The following CDH4 variants were observed in gnomAD, a reference collection of about 807,000 sequenced individuals.
CDH4 encodes the protein cadherin-4.
A neutral mutation model predicts 86.0 loss-of-function variants in CDH4; 33 were observed. The ratio of observed to expected loss-of-function variants is 0.38; its 90% CI spans 0.29 to 0.51. CDH4 has a LOEUF of 0.51. Among genes scored for constraint, CDH4 ranks in the 20% least tolerant of loss-of-function variants. The pLI is 0.86. For missense variants in CDH4, 1,114 were observed against 1,307.4 expected (o/e 0.85, Z 2.28); for synonymous variants, 555 against 549.4 (o/e 1.01, Z -0.14).
At chr20:61,370,592 G>A (rs569772714) in intron 2 of CDH4, 9 of 152,224 alleles carry the variant, frequency 5.9e-5, no homozygotes, top group Non-Finnish European at 1.3e-4. Flanking sequence ...CTGCCAGGAA[G>A]GGCTTTTGAC....
intron 4 of CDH4, 118 bp from the exon 5 acceptor site, chr20:61,844,550 T>A (rs1982336570): frequency 5.4e-6 from 5 of 928,924 alleles, no homozygotes; most frequent in Non-Finnish European, 8.1e-6. Context: ...GTGGTCCCCA[T>A]TGTACCTGAA....
intron 2 of CDH4, among the ~76,000 whole-genome samples, chr20:61,725,650 A>G (rs1342947338): frequency 6.6e-6 from 1 of 152,124 alleles, no homozygotes; most frequent in African/African-American, 2.4e-5. Context: ...AATGGAGTGC[A>G]AGCAGAAACC....
At chr20:61,617,749 C>G (rs1234251179) in intron 2 of CDH4, among the ~76,000 whole-genome samples, 1 of 152,178 alleles carries the variant, frequency 6.6e-6, no homozygotes, top group Non-Finnish European at 1.5e-5. Context: ...ACCTGTGAAA[C>G]AGGTGCACTG....
At chr20:61,578,278 G>A (rs543848995) in intron 2 of CDH4, among the ~76,000 whole-genome samples, 1 of 152,112 alleles carries the variant, frequency 6.6e-6, no homozygotes, top group Non-Finnish European at 1.5e-5. Flanking sequence ...CCAGGGCACT[G>A]GGGGGGAATG....
intron 2 of CDH4, among the ~76,000 whole-genome samples, chr20:61,487,045 A>G (rs1199620322): frequency 2.0e-5 from 3 of 152,108 alleles, no homozygotes; most frequent in Non-Finnish European, 2.9e-5. Flanking sequence ...ATTTTCTCCT[A>G]TGTTATCTTC....
chr20:61,686,672 C>T (rs1432177734), intron 2 of CDH4, among the ~76,000 whole-genome samples: 10 of 139,406 alleles, frequency 7.2e-5, no homozygotes, highest in South Asian at 2.3e-4. Flanking sequence ...CGTGTATGTG[C>T]GTGTGCATTT....
intron 2 of CDH4, among the ~76,000 whole-genome samples, chr20:61,336,262 A>G (rs975137783): frequency 1.3e-5 from 2 of 152,100 alleles, no homozygotes; most frequent in African/African-American, 2.4e-5. Context: ...TTATCTATAC[A>G]GTGGGGATAT....
rs1237585170 is a variant in CDH4 at position 61,613,879 on chromosome 20, G to A, written c.170-129684G>A. On this transcript the variant is annotated intron_variant, in intron 2 of 15. Transcript: ENST00000614565. Reference sequence around the variant, plus strand: ...GAGGGGGGGCTTTGGGGAGGAGCTCGTTTGTTTCCCCACAGTGGTTGCTGG... The same window carrying A: ...GAGGGGGGGCTTTGGGGAGGAGCTCATTTGTTTCCCCACAGTGGTTGCTGG... Among the ~76,000 whole-genome samples the A allele has an allele frequency of 3.3e-5, 5 of 152,054 alleles. No individual in the cohort carries two copies. The South Asian group carries it at 6.2e-4, about 19-fold the overall frequency.
intron 2 of CDH4, chr20:61,570,378 T>C (rs2086332547): frequency 2.8e-6 from 1 of 356,752 alleles, no homozygotes; most frequent in Admixed American, 4.0e-5. Context: ...AAGAGTGCCC[T>C]GGTTGGGACC....
chr20:61,793,564 G>A (rs556148316), intron 4 of CDH4, among the ~76,000 whole-genome samples: 16 of 152,000 alleles, frequency 1.1e-4, no homozygotes, highest in African/African-American at 3.1e-4. Flanking sequence ...GGCTGAGGCC[G>A]GGCGCAGTGG....
intron 2 of CDH4, among the ~76,000 whole-genome samples, chr20:61,463,654 C>A (rs1048303814): frequency 6.6e-6 from 1 of 152,266 alleles, no homozygotes; most frequent in African/African-American, 2.4e-5. Context: ...TGAATCCCAT[C>A]CTATGTAAGC....
intron 2 of CDH4, among the ~76,000 whole-genome samples, chr20:61,275,149 A>C (rs1280028649): frequency 3.5e-5 from 3 of 85,678 alleles, no homozygotes; most frequent in African/African-American, 4.9e-5. Flanking sequence ...AGTTTGGGGG[A>C]GTATTGGAGT....
intron 4 of CDH4, among the ~76,000 whole-genome samples, chr20:61,813,404 A>G (rs1484271327): frequency 1.3e-5 from 2 of 152,264 alleles, no homozygotes; most frequent in South Asian, 2.1e-4. Context: ...TGATAGCAGG[A>G]GCTGGGGGAT....
At position 61,518,709 on chromosome 20, in the gene CDH4, A is replaced by G. The variant is rs181156321; in HGVS notation, c.170-224854A>G. ...CCTTCATCTACCTATCTGTTGTTCA[A>G]TCATCCATCCGTTCATCCACCCATC... On this transcript the variant is annotated intron_variant, in intron 2 of 15. Coordinates refer to ENST00000614565, the MANE Select transcript of CDH4 (RefSeq NM_001794.5). The surrounding 1 kb of genome is among the most constrained non-coding windows in gnomAD (Gnocchi z 6.3). Among the ~76,000 whole-genome samples the G allele has an allele frequency of 5.6e-4, 84 of 150,642 alleles. No individual in the cohort carries two copies. Among genetic ancestry groups the G allele is most frequent in the Non-Finnish European group, 1.0e-3 (69 of 67,708 alleles).
intron 2 of CDH4, among the ~76,000 whole-genome samples, chr20:61,478,648 C>G (rs186530789): frequency 6.6e-6 from 1 of 152,318 alleles, no homozygotes; most frequent in East Asian, 1.9e-4. Context: ...TGTTGTGGTT[C>G]TACAGGTCTA....
intron 7 of CDH4, among the ~76,000 whole-genome samples, chr20:61,885,056 G>A (rs777240382): frequency 9.2e-5 from 14 of 152,136 alleles, no homozygotes; most frequent in Middle Eastern, 3.2e-3. Flanking sequence ...CCACCAGCTC[G>A]GTGATCCATG....
At chr20:61,352,767 G>A (rs1392755869) in intron 2 of CDH4, among the ~76,000 whole-genome samples, 1 of 152,076 alleles carries the variant, frequency 6.6e-6, no homozygotes, top group Non-Finnish European at 1.5e-5. Flanking sequence ...CCGGTCACCT[G>A]CACTGCATTT....
chr20:61,558,280 G>C (rs1473317683), intron 2 of CDH4, among the ~76,000 whole-genome samples: 2 of 152,134 alleles, frequency 1.3e-5, no homozygotes, highest in East Asian at 1.9e-4. Context: ...TCCCTGGGCA[G>C]AGTTGGTCCC....
At chr20:61,770,784 G>A (rs1330351825) in intron 3 of CDH4, among the ~76,000 whole-genome samples, 1 of 151,878 alleles carries the variant, frequency 6.6e-6, no homozygotes, top group Non-Finnish European at 1.5e-5. Flanking sequence ...TCAGGGGGCT[G>A]AGGCAGGAGA....
Sources: allele counts gnomAD v4.1 joint callset (sites outside exome capture counted in the v4.1 genomes callset), GRCh38; gene constraint gnomAD v4.1.1; non-coding constraint Gnocchi (gnomAD v3.1); transcripts MANE v1.5; gene names NCBI Gene and HGNC (gene_info 2026-07-23, HGNC 2026-07-21).